The following TIMM29 variants were observed in gnomAD, a reference collection of about 807,000 sequenced individuals.
The protein encoded by TIMM29 is translocase of inner mitochondrial membrane 29.
TIMM29 carries 23 observed loss-of-function variants against 19.5 expected under a neutral mutation model. The ratio of observed to expected loss-of-function variants is 1.18; its 90% CI spans 0.85 to 1.67. The LOEUF is 1.67. TIMM29 is among the 40% of genes most tolerant of loss of function. The pLI is 0.00. For missense variants in TIMM29, 404 were observed against 384.7 expected (o/e 1.05, Z -0.42); for synonymous variants, 209 against 185.0 (o/e 1.13, Z -1.05).
At position 10,929,404 on chromosome 19, in the gene TIMM29, G is replaced by T; in HGVS notation, c.485G>T (p.Arg162Leu). 1 of 1,609,446 alleles carries T rather than the reference G, an allele frequency of 6.2e-7. No individual in the cohort carries two copies. The highest frequency in any genetic ancestry group is 8.5e-7 in the Non-Finnish European group (1 of 1,178,732). Residue 162 changes from arginine (R) to leucine (L), a missense_variant, in exon 2 of 2, where the codon CGG becomes CTG. Coordinates refer to ENST00000270502, the MANE Select transcript of TIMM29 (RefSeq NM_138358.4). ...LQPRWTDFPGRVLDVGFVGRW... is the reference protein window; with the variant it reads ...LQPRWTDFPGLVLDVGFVGRW... ...CCCCGCTGGACCGACTTCCCCGGCC[G>T]GGTCCTGGACGTGGGCTTCGTGGGT...
In TIMM29 at chr19:10,929,508, C is replaced by T. The variant is rs750193226; in HGVS notation, c.589C>T (p.Arg197Trp). 5.0e-6 allele frequency: 8 copies of T among 1,612,942 alleles called. No homozygotes were observed. In the Admixed American group the frequency reaches 1.3e-4, roughly 27 times the overall value. Residue 197 changes from arginine (R) to tryptophan (W), a missense_variant, in exon 2 of 2, where the codon CGG becomes TGG. Physicochemically the swap from Arg to Trp is moderately radical, Grantham distance 101. Coordinates refer to ENST00000270502, the MANE Select transcript of TIMM29 (RefSeq NM_138358.4). ...ATTCCTGCACCTGCCGGCGCATTTG[C>T]GGGTGGTCGGGCCCCAGCAGCTGCA... Reference protein sequence around the residue: ...DEFLHLPAHLRVVGPQQLHSE... With the variant: ...DEFLHLPAHLWVVGPQQLHSE...
In TIMM29 at chr19:10,929,174, G is replaced by T. The variant is rs1476253046; in HGVS notation, c.255G>T (p.Glu85Asp). ...TLAPSEGAFE[E>D]ALLEASGTLL... is the part of the protein sequence containing the mutation. ...CGCCCAGCGAGGGTGCCTTCGAGGAGGCGCTGCTGGAGGCGTCGGGGACCC... is the reference window on the plus strand; with the variant it reads ...CGCCCAGCGAGGGTGCCTTCGAGGATGCGCTGCTGGAGGCGTCGGGGACCC... Residue 85 changes from glutamate (E) to aspartate (D), a missense_variant, in exon 2 of 2, where the codon GAG becomes GAT. Physicochemically the swap from Glu to Asp is conservative, Grantham distance 45 (BLOSUM62 2). Transcript: ENST00000270502. The T allele has an allele frequency of 6.9e-7, 1 of 1,455,094 alleles. No individual in the cohort carries two copies. Among genetic ancestry groups the T allele is most frequent in the Admixed American group, 2.7e-5 (1 of 37,386 alleles). 90.1% of individuals were successfully genotyped at this position (1,455,094 alleles called of 1,614,324 possible). A position where few individuals can be genotyped will look rare whatever the true frequency, so the allele number is the denominator to read the frequency against.
Position 10,929,806 on chromosome 19 carries a change from T to C in TIMM29, c.*104T>C, listed in dbSNP as rs967450846. On this transcript the variant is annotated 3_prime_UTR_variant, in exon 2 of 2. Coordinates refer to ENST00000270502, the MANE Select transcript of TIMM29 (RefSeq NM_138358.4). ...CTGAGACAGATGATGTGCAAAGTGTTTTCTCACTGGATTTGCACAAGTTTG... is the reference window on the plus strand; with the variant it reads ...CTGAGACAGATGATGTGCAAAGTGTCTTCTCACTGGATTTGCACAAGTTTG... The C allele has an allele frequency of 4.1e-6, 5 of 1,228,806 alleles. No homozygotes were observed. The highest frequency in any genetic ancestry group is 5.5e-6 in the Non-Finnish European group (5 of 902,050). The allele number at this position is 1,228,806 out of a possible 1,614,324, so 76.1% of individuals were successfully genotyped here.
At position 10,928,902 on chromosome 19, in the gene TIMM29, T is replaced by C. The variant is rs754184331; in HGVS notation, c.80T>C (p.Val27Ala). 15 of 1,519,552 alleles carry C rather than the reference T, an allele frequency of 9.9e-6. No homozygotes were observed. The highest frequency in any genetic ancestry group is 2.4e-5 in the South Asian group (2 of 82,528). 94.1% of individuals were successfully genotyped at this position (1,519,552 alleles called of 1,614,324 possible). A position where few individuals can be genotyped will look rare whatever the true frequency, so the allele number is the denominator to read the frequency against. The change falls in exon 1 of 2, where the codon GTG (valine) becomes GCG (alanine). Residue 27 changes from valine (V) to alanine (A), a missense_variant. Coordinates refer to ENST00000270502, the MANE Select transcript of TIMM29 (RefSeq NM_138358.4). ...AGDAVVAKPG[V>A]WARLGSWARA... ...GACGCGGTAGTGGCGAAGCCGGGAG[T>C]GTGGGCGCGGCTGGGTGAGTAGCGG...
chr19:10,929,163 G>A lies in TIMM29; in HGVS notation c.244G>A (p.Ala82Thr). The change falls in exon 2 of 2, where the codon GCC becomes ACC. Residue 82 changes from alanine (A) to threonine (T), a missense_variant. Ala to Thr is a moderately conservative substitution (Grantham distance 58). Coordinates refer to ENST00000270502, the MANE Select transcript of TIMM29 (RefSeq NM_138358.4). The part of the protein sequence containing the change: ...ACFTLAPSEG[A>T]FEEALLEASG... ...CTTCACGCTGGCGCCCAGCGAGGGT[G>A]CCTTCGAGGAGGCGCTGCTGGAGGC... 1 of 1,455,768 alleles carries A rather than the reference G, an allele frequency of 6.9e-7. No individual in the cohort carries two copies. Among genetic ancestry groups the A allele is most frequent in the Non-Finnish European group, 9.0e-7 (1 of 1,114,858 alleles). The allele number at this position is 1,455,768 out of a possible 1,614,324, so 90.2% of individuals were successfully genotyped here. A position where few individuals can be genotyped will look rare whatever the true frequency, so the allele number is the denominator to read the frequency against.
Position 10,929,870 on chromosome 19 carries a change from T to A in TIMM29, c.*168T>A. On this transcript the variant is annotated 3_prime_UTR_variant, in exon 2 of 2. Coordinates refer to ENST00000270502, the MANE Select transcript of TIMM29 (RefSeq NM_138358.4). ...CCCCCCGTCTTTGTTCTTTATTAGCTGAAGCTAATTCAGAGCCACCTGGGT... is the reference window on the plus strand; with the variant it reads ...CCCCCCGTCTTTGTTCTTTATTAGCAGAAGCTAATTCAGAGCCACCTGGGT... 1.3e-6 allele frequency: 1 copy of A among 779,946 alleles called. No individual in the cohort carries two copies. Among genetic ancestry groups the A allele is most frequent in the Non-Finnish European group, 2.0e-6 (1 of 503,958 alleles). The allele number at this position is 779,946 out of a possible 1,614,324, so 48.3% of individuals were successfully genotyped here. A position where few individuals can be genotyped will look rare whatever the true frequency, so the allele number is the denominator to read the frequency against.
In TIMM29 at chr19:10,929,367, C is replaced by G. The variant is rs774795534; in HGVS notation, c.448C>G (p.Arg150Gly). The change falls in exon 2 of 2, where the codon CGC (arginine) becomes GGC (glycine). Residue 150 changes from arginine (R) to glycine (G), a missense_variant. Transcript: ENST00000270502. Reference sequence around the variant, plus strand: ...GGCCAGCCTCTACCAGGCGCGTTGCCGCTACCTGCAGCCCCGCTGGACCGA... The same window carrying G: ...GGCCAGCCTCTACCAGGCGCGTTGCGGCTACCTGCAGCCCCGCTGGACCGA... ...AQASLYQARC[R>G]YLQPRWTDFP... 1.9e-6 allele frequency: 3 copies of G among 1,595,174 alleles called. No individual in the cohort carries two copies. The highest frequency in any genetic ancestry group is 2.6e-6 in the Non-Finnish European group (3 of 1,174,190).
Position 10,929,306 on chromosome 19 carries a change from C to T in TIMM29, c.387C>T (p.Leu129=), listed in dbSNP as rs1469104491. 1 of 1,548,170 alleles carries T rather than the reference C, an allele frequency of 6.5e-7. No homozygotes were observed. The highest frequency in any genetic ancestry group is 1.2e-5 in the South Asian group (1 of 85,484). ...GCCTGCGCTACGTCAACCTGGGGCTCTGCTCGCTGGTGTACGAGGCGCCCT... is the reference window on the plus strand; with the variant it reads ...GCCTGCGCTACGTCAACCTGGGGCTTTGCTCGCTGGTGTACGAGGCGCCCT... ...RGRLRYVNLG[L]CSLVYEAPFD... is the part of the protein sequence containing the mutation. The change falls in exon 2 of 2, where the codon CTC becomes CTT. Residue 129 remains leucine (L), a synonymous_variant. Transcript: ENST00000270502.
rs566222619 is a variant in TIMM29, at chr19:10,929,290, A to C, written c.371A>C (p.Tyr124Ser). 15 of 1,542,724 alleles carry C rather than the reference A, an allele frequency of 9.7e-6. No individual in the cohort carries two copies. In the South Asian group the frequency reaches 1.4e-4, roughly 15 times the overall value. ...CTGCGGGGCCGTGGCCGCCTGCGCT[A>C]CGTCAACCTGGGGCTCTGCTCGCTG... ...LWLRGRGRLRYVNLGLCSLVY... is the reference protein window; with the variant it reads ...LWLRGRGRLRSVNLGLCSLVY... The change falls in exon 2 of 2, where the codon TAC becomes TCC. Residue 124 changes from tyrosine (Y) to serine (S), a missense_variant. By Grantham distance (144) the Tyr-to-Ser change is moderately radical. Transcript: ENST00000270502.
rs749818767 is a variant in TIMM29, at chr19:10,928,839, T to C, written c.17T>C (p.Leu6Pro). Reference sequence around the variant, plus strand: ...CGGAAGAGGATGGCCGCGGCGGCTCTGAGGAGATTTTGGTCCCGGCGCCGC... The same window carrying C: ...CGGAAGAGGATGGCCGCGGCGGCTCCGAGGAGATTTTGGTCCCGGCGCCGC... MAAAA[L>P]RRFWSRRRAE... Residue 6 changes from leucine to proline, a missense_variant, in exon 1 of 2, where the codon CTG (leucine) becomes CCG (proline). Transcript: ENST00000270502. 2 of 1,526,648 alleles carry C rather than the reference T, an allele frequency of 1.3e-6. No homozygotes were observed. The highest frequency in any genetic ancestry group is 1.4e-5 in the African/African-American group (1 of 69,392). The allele number at this position is 1,526,648 out of a possible 1,614,324, so 94.6% of individuals were successfully genotyped here. A position where few individuals can be genotyped will look rare whatever the true frequency, so the allele number is the denominator to read the frequency against.
rs750039216 is a variant in TIMM29, at chr19:10,929,695, C to G, written c.776C>G (p.Pro259Arg). Residue 259 changes from proline to arginine, a missense_variant, in exon 2 of 2, where the codon CCG becomes CGG. Pro to Arg is a moderately radical substitution (Grantham distance 103). Transcript: ENST00000270502. ...QAHSLVQAEA[P>R]R Reference sequence around the variant, plus strand: ...CACTCGCTGGTGCAGGCGGAGGCCCCGAGATGAAACCCTGAGGCCCCCGAG... The same window carrying G: ...CACTCGCTGGTGCAGGCGGAGGCCCGGAGATGAAACCCTGAGGCCCCCGAG... The G allele has an allele frequency of 4.4e-6, 7 of 1,597,914 alleles. No homozygotes were observed. The highest frequency in any genetic ancestry group is 3.3e-5 in the South Asian group (3 of 89,928).
Position 10,929,514 on chromosome 19 carries a change from G to A in TIMM29, c.595G>A (p.Val199Ile), listed in dbSNP as rs754501820. 13 of 1,613,082 alleles carry A rather than the reference G, an allele frequency of 8.1e-6. No individual in the cohort carries two copies. The Admixed American group carries it at 2.2e-4, about 27-fold the overall frequency. ...FLHLPAHLRV[V>I]GPQQLHSETN... ...GCACCTGCCGGCGCATTTGCGGGTG[G>A]TCGGGCCCCAGCAGCTGCATTCCGA... is the stretch of plus-strand genomic sequence containing the variant. The change falls in exon 2 of 2, where the codon GTC becomes ATC. Residue 199 changes from valine to isoleucine, a missense_variant. Transcript: ENST00000270502.
rs913347564 is a variant in TIMM29 at position 10,929,767 on chromosome 19, C to T, written c.*65C>T. On this transcript the variant is annotated 3_prime_UTR_variant, in exon 2 of 2. Coordinates refer to ENST00000270502, the MANE Select transcript of TIMM29 (RefSeq NM_138358.4). Reference sequence around the variant, plus strand: ...GGGTGGTGCAGTTCTGAGTGTGCCTCACCTGCAGAACAGCTGAGACAGATG... The same window carrying T: ...GGGTGGTGCAGTTCTGAGTGTGCCTTACCTGCAGAACAGCTGAGACAGATG... The T allele has an allele frequency of 6.9e-7, 1 of 1,442,578 alleles. No homozygotes were observed. The highest frequency in any genetic ancestry group is 2.3e-5 in the Admixed American group (1 of 44,196). The allele number at this position is 1,442,578 out of a possible 1,614,324, so 89.4% of individuals were successfully genotyped here. A position where few individuals can be genotyped will look rare whatever the true frequency, so the allele number is the denominator to read the frequency against.
At position 10,929,558 on chromosome 19, in the gene TIMM29, C is replaced by T. The variant is rs755591004; in HGVS notation, c.639C>T (p.Phe213=). 14 of 1,612,874 alleles carry T rather than the reference C, an allele frequency of 8.7e-6. No individual in the cohort carries two copies. The highest frequency in any genetic ancestry group is 9.3e-6 in the Non-Finnish European group (11 of 1,180,014). ...ATTCCGAGACCAACGAGCGGCTCTTCGATGAGAAGTACAAGCCTGTCGTGC... is the reference window on the plus strand; with the variant it reads ...ATTCCGAGACCAACGAGCGGCTCTTTGATGAGAAGTACAAGCCTGTCGTGC... The part of the protein sequence containing the change: ...QLHSETNERL[F]DEKYKPVVLT... Residue 213 remains phenylalanine (F), a synonymous_variant, in exon 2 of 2, where the codon TTC becomes TTT. Coordinates refer to ENST00000270502, the MANE Select transcript of TIMM29 (RefSeq NM_138358.4).
chr19:10,929,108 T>C lies in TIMM29; in HGVS notation c.189T>C (p.Tyr63=). 4 of 1,469,196 alleles carry C rather than the reference T, an allele frequency of 2.7e-6. No homozygotes were observed. The highest frequency in any genetic ancestry group is 2.7e-5 in the East Asian group (1 of 37,374). 91.0% of individuals were successfully genotyped at this position (1,469,196 alleles called of 1,614,324 possible). A position where few individuals can be genotyped will look rare whatever the true frequency, so the allele number is the denominator to read the frequency against. ...CCCGGCCGGGGCGCGCCGCTGTGTA[T>C]GTGGGTCTGCTGGGCGGCGCGGCGG... is the stretch of plus-strand genomic sequence containing the variant. ...ARARPGRAAV[Y]VGLLGGAAAC... The change falls in exon 2 of 2, where the codon TAT becomes TAC. Residue 63 remains tyrosine, a synonymous_variant. Coordinates refer to ENST00000270502, the MANE Select transcript of TIMM29 (RefSeq NM_138358.4).
chr19:10,929,209 T>C lies in TIMM29; in HGVS notation c.290T>C (p.Leu97Pro). ...GAGGCGTCGGGGACCCTCCTGCTGCTGGCGCCGGCCACCCGCAACCGCGAG... is the reference window on the plus strand; with the variant it reads ...GAGGCGTCGGGGACCCTCCTGCTGCCGGCGCCGGCCACCCGCAACCGCGAG... ...LLEASGTLLL[L>P]APATRNRESE... is the part of the protein sequence containing the mutation. The change falls in exon 2 of 2, where the codon CTG becomes CCG. Residue 97 changes from leucine to proline, a missense_variant. Leu to Pro is a moderately conservative substitution (Grantham distance 98). Transcript: ENST00000270502. 6.8e-7 allele frequency: 1 copy of C among 1,480,682 alleles called. No individual in the cohort carries two copies. Among genetic ancestry groups the C allele is most frequent in the Non-Finnish European group, 8.9e-7 (1 of 1,120,908 alleles). The allele number at this position is 1,480,682 out of a possible 1,614,324, so 91.7% of individuals were successfully genotyped here.
chr19:10,929,246 CGTGCAGAGGCTGCTCT>C lies in TIMM29; in HGVS notation c.329_344del (p.Val110GlyfsTer133). The stretch of plus-strand genomic sequence containing the variant: ...CCCGCAACCGCGAGTCCGAAGCCTT[CGTGCAGAGGCTGCTCT>C]GGCTGCGGGGCCGTGGCCGCCTGCG... On this transcript the variant is annotated frameshift_variant, in exon 2 of 2. Transcript: ENST00000270502. LOFTEE classifies it high-confidence loss of function. 1 of 1,526,450 alleles carries C rather than the reference CGTGCAGAGGCTGCTCT, an allele frequency of 6.6e-7. No homozygotes were observed. Among genetic ancestry groups the C allele is most frequent in the Non-Finnish European group, 8.8e-7 (1 of 1,140,994 alleles). The allele number at this position is 1,526,450 out of a possible 1,614,324, so 94.6% of individuals were successfully genotyped here.
chr19:10,929,689 A>T lies in TIMM29; in HGVS notation c.770A>T (p.Glu257Val). The T allele has an allele frequency of 1.2e-6, 2 of 1,602,932 alleles. No individual in the cohort carries two copies. Among genetic ancestry groups the T allele is most frequent in the Non-Finnish European group, 1.7e-6 (2 of 1,174,324 alleles). The change falls in exon 2 of 2, where the codon GAG becomes GTG. Residue 257 changes from glutamate to valine, a missense_variant. By Grantham distance (121) the Glu-to-Val change is moderately radical. Transcript: ENST00000270502. ...LSQAHSLVQA[E>V]APR The stretch of plus-strand genomic sequence containing the variant: ...CAGGCCCACTCGCTGGTGCAGGCGG[A>T]GGCCCCGAGATGAAACCCTGAGGCC...
Position 10,929,265 on chromosome 19 carries a change from C to T in TIMM29, c.346C>T (p.Leu116=), listed in dbSNP as rs1416926699. Residue 116 remains leucine (L), a synonymous_variant, in exon 2 of 2, where the codon CTG becomes TTG. Transcript: ENST00000270502. ...AGCCTTCGTGCAGAGGCTGCTCTGG[C>T]TGCGGGGCCGTGGCCGCCTGCGCTA... is the stretch of plus-strand genomic sequence containing the variant. ...SEAFVQRLLW[L]RGRGRLRYVN... 1.3e-6 allele frequency: 2 copies of T among 1,536,520 alleles called. No individual in the cohort carries two copies. Among genetic ancestry groups the T allele is most frequent in the Non-Finnish European group, 1.7e-6 (2 of 1,145,616 alleles).
Sources: gnomAD v4.1 joint callset for allele counts on GRCh38, gnomAD v4.1.1 for gene constraint, MANE v1.5 for transcripts, NCBI Gene and HGNC (gene_info 2026-07-23, HGNC 2026-07-21) for gene names.